Variants in ZNF831 observed in about 807,000 individuals in gnomAD.
ZNF831 encodes zinc finger protein 831.
A neutral mutation model predicts 95.8 loss-of-function variants in ZNF831; 59 were observed. That is an observed-to-expected ratio of 0.62 (90% confidence interval 0.50 to 0.77). The LOEUF is 0.77. Ranked by LOEUF, ZNF831 falls within the 30% of genes least tolerant of loss-of-function variation. The pLI is 0.00. For missense variants in ZNF831, 2,205 were observed against 2,164.0 expected, an observed-to-expected ratio of 1.02 and a Z score of -0.38; for synonymous variants, 961 against 925.5, an observed-to-expected ratio of 1.04 and a Z score of -0.70.
chr20:59,142,080 T>A (rs1979700329), intron 1 of ZNF831, among the ~76,000 whole-genome samples: 1 of 152,160 alleles, frequency 6.6e-6, no homozygotes, highest in African/African-American at 2.4e-5. Context: ...GCTAATGTAT[T>A]GACCGAGAGG....
chr20:59,233,241 G>A (rs1455612617), intron 4 of ZNF831, among the ~76,000 whole-genome samples: 1 of 152,162 alleles, frequency 6.6e-6, no homozygotes, highest in Non-Finnish European at 1.5e-5. Context: ...CTCAGGAGCT[G>A]TTGTCTCTTC....
intron 3 of ZNF831, among the ~76,000 whole-genome samples, chr20:59,198,970 T>C (rs1220270831): frequency 6.6e-6 from 1 of 152,080 alleles, no homozygotes; most frequent in Admixed American, 6.5e-5. Flanking sequence ...AGGGGAGGTA[T>C]TACTCTGCCT....
At position 59,194,084 on chromosome 20, in the gene ZNF831, TG is replaced by T. The variant is rs775554241; in HGVS notation, c.3073del (p.Asp1025ThrfsTer40). On this transcript the variant is annotated frameshift_variant, in exon 2 of 6. Transcript: ENST00000371030. LOFTEE classifies it high-confidence loss of function. ...RPQDGRKGAQ[L>X]GGDKGDRMAT... is the part of the protein sequence containing the mutation. Reference sequence around the variant, plus strand: ...CAGGATGGGAGAAAAGGGGCACAGTTGGGGGGGGACAAGGGGGACAGGATGG... The same window carrying T: ...CAGGATGGGAGAAAAGGGGCACAGTTGGGGGGGACAAGGGGGACAGGATGG... The T allele has an allele frequency of 1.0e-5, 16 of 1,537,300 alleles. No homozygotes were observed. Among genetic ancestry groups the T allele is most frequent in the South Asian group, 1.3e-5 (1 of 78,810 alleles).
chr20:59,178,796 G>A (rs1222238737), intron 1 of ZNF831, among the ~76,000 whole-genome samples: 1 of 152,156 alleles, frequency 6.6e-6, no homozygotes, highest in Non-Finnish European at 1.5e-5. Context: ...TGATGCCATG[G>A]GGGAGGTGTC....
At chr20:59,188,630 C>T (rs1319366136) in intron 1 of ZNF831, among the ~76,000 whole-genome samples, 2 of 151,700 alleles carry the variant, frequency 1.3e-5, no homozygotes, top group Admixed American at 1.3e-4. Flanking sequence ...GCATTCCAGC[C>T]TGGGCGACAG....
rs745556659 is a variant in ZNF831, at chr20:59,194,380, G to T, written c.3361G>T (p.Gly1121Cys). 4 of 1,610,102 alleles carry T rather than the reference G, an allele frequency of 2.5e-6. No homozygotes were observed. Among genetic ancestry groups the T allele is most frequent in the Non-Finnish European group, 3.4e-6 (4 of 1,178,312 alleles). Reference sequence around the variant, plus strand: ...AGATCCTTCTTCAGGGCCCCTGGTGGGCCCCGACCCGTGTTCCCCCCTCCA... The same window carrying T: ...AGATCCTTCTTCAGGGCCCCTGGTGTGCCCCGACCCGTGTTCCCCCCTCCA... ...PEDPSSGPLVGPDPCSPLQPG... is the reference protein window; with the variant it reads ...PEDPSSGPLVCPDPCSPLQPG... Residue 1121 changes from glycine (G) to cysteine (C), a missense_variant, in exon 2 of 6, where the codon GGC (glycine) becomes TGC (cysteine). Physicochemically the swap from Gly to Cys is radical, Grantham distance 159. Transcript: ENST00000371030.
intron 3 of ZNF831, among the ~76,000 whole-genome samples, chr20:59,198,320 T>G (rs1325827587): frequency 2.0e-5 from 3 of 152,218 alleles, no homozygotes; most frequent in African/African-American, 7.2e-5. Flanking sequence ...CTCATAAAAA[T>G]CTGGATTTCT....
chr20:59,128,712 G>T (rs185207177), intron 1 of ZNF831, among the ~76,000 whole-genome samples: 1 of 152,180 alleles, frequency 6.6e-6, no homozygotes, highest in Non-Finnish European at 1.5e-5. Context: ...GGCTCAGGCC[G>T]GGGAAGTGGT....
At chr20:59,205,584 T>C (rs776548861) in intron 3 of ZNF831, among the ~76,000 whole-genome samples, 7 of 152,230 alleles carry the variant, frequency 4.6e-5, no homozygotes, top group Non-Finnish European at 7.3e-5. Context: ...CTGTAGATCT[T>C]ATTTAAAATT....
intron 4 of ZNF831, among the ~76,000 whole-genome samples, chr20:59,210,171 T>C (rs1433221738): frequency 6.6e-6 from 1 of 152,230 alleles, no homozygotes; most frequent in Non-Finnish European, 1.5e-5. Flanking sequence ...TGGGCTCTCA[T>C]TGTTTGTAAA....
chr20:59,124,169 C>A (rs1239378763), intron 1 of ZNF831, among the ~76,000 whole-genome samples: 1 of 151,730 alleles, frequency 6.6e-6, no homozygotes, highest in Non-Finnish European at 1.5e-5. Context: ...ATGGCCGTTT[C>A]TTTTCCCTCG....
chr20:59,215,256 G>A (rs571019885), intron 4 of ZNF831, among the ~76,000 whole-genome samples: 114 of 152,314 alleles, frequency 7.5e-4, no homozygotes, highest in African/African-American at 2.5e-3. Context: ...AAGTCGTGCC[G>A]CTTCTCCTGG....
chr20:59,206,926 G>C lies in ZNF831; in HGVS notation c.3897G>C (p.Gln1299His). ...ACAGGTACAAAGGGAATTTCTTGCA[G>C]AGCTGTGTTCAGCTGAGAGCCAGTA... ...NPKRYKGNFL[Q>H]SCVQLRASRL... is the part of the protein sequence containing the mutation. The change falls in exon 4 of 6, where the codon CAG (glutamine) becomes CAC (histidine). Residue 1299 changes from glutamine to histidine, a missense_variant. By Grantham distance (24) the Gln-to-His change is conservative (BLOSUM62 0). Coordinates refer to ENST00000371030, the MANE Select transcript of ZNF831 (RefSeq NM_178457.3). 1.2e-6 allele frequency: 2 copies of C among 1,614,140 alleles called. No homozygotes were observed. Among genetic ancestry groups the C allele is most frequent in the Non-Finnish European group, 1.7e-6 (2 of 1,180,024 alleles).
rs747918771 is a variant in ZNF831 at position 59,191,739 on chromosome 20, C to A, written c.720C>A (p.Gly240=). 4 of 1,592,976 alleles carry A rather than the reference C, an allele frequency of 2.5e-6. No homozygotes were observed. Among genetic ancestry groups the A allele is most frequent in the Non-Finnish European group, 3.4e-6 (4 of 1,168,754 alleles). ...GCAGGTGCCAGGGGATGCACGAAGGCGCCTCGGAGAGACCCCTTTCTCCGG... is the reference window on the plus strand; with the variant it reads ...GCAGGTGCCAGGGGATGCACGAAGGAGCCTCGGAGAGACCCCTTTCTCCGG... ...GESRCQGMHE[G]ASERPLSPGA... The change falls in exon 2 of 6, where the codon GGC becomes GGA. Residue 240 remains glycine (G), a synonymous_variant. Transcript: ENST00000371030.
In ZNF831 at chr20:59,213,171, G is replaced by A. The variant is rs6026762; in HGVS notation, c.4027+6115G>A. 7.5e-3 allele frequency among the ~76,000 whole-genome samples: 1,142 copies of A among 152,292 alleles called. 21 individuals are homozygous for A. Among genetic ancestry groups the A allele is most frequent in the African/African-American group, 0.026 (1,085 of 41,540 alleles). On this transcript the variant is annotated intron_variant, in intron 4 of 5. Coordinates refer to ENST00000371030, the MANE Select transcript of ZNF831 (RefSeq NM_178457.3). ...AATTAAAGTAAATGCGAGGTAAATA[G>A]TCCATTGGTCTACCCTACAATTTTA... is the stretch of plus-strand genomic sequence containing the variant.
At chr20:59,216,945 T>TC (rs1985721259) in intron 4 of ZNF831, among the ~76,000 whole-genome samples, 1 of 145,902 alleles carries the variant, frequency 6.9e-6, no homozygotes, top group Non-Finnish European at 1.5e-5. Flanking sequence ...ACTTTTGTTC[T>TC]TAAAAAAAAA....
At chr20:59,239,938 A>G (rs976187674) in intron 4 of ZNF831, among the ~76,000 whole-genome samples, 7 of 152,180 alleles carry the variant, frequency 4.6e-5, no homozygotes, top group African/African-American at 1.7e-4. Flanking sequence ...CTCACTCAAG[A>G]AAATACCCAG....
intron 4 of ZNF831, among the ~76,000 whole-genome samples, chr20:59,246,922 T>C (rs1403644738): frequency 6.6e-6 from 1 of 152,196 alleles, no homozygotes; most frequent in African/African-American, 2.4e-5. Context: ...GCCCACTGAC[T>C]TCTGATTATT....
chr20:59,206,051 G>A (rs1235155293), intron 3 of ZNF831, among the ~76,000 whole-genome samples: 2 of 152,228 alleles, frequency 1.3e-5, no homozygotes, highest in East Asian at 1.9e-4. Flanking sequence ...AGAAGCTCTA[G>A]TGTTTTTCTT....
Sources: allele counts gnomAD v4.1 joint callset (sites outside exome capture counted in the v4.1 genomes callset), GRCh38; gene constraint gnomAD v4.1.1; transcripts MANE v1.5; gene names NCBI Gene and HGNC (gene_info 2026-07-23, HGNC 2026-07-21).